NRG3: variants seen among roughly 807,000 people sequenced by gnomAD.
NRG3 encodes the protein pro-neuregulin-3, membrane-bound isoform.
Under a neutral mutation model 66.9 loss-of-function variants are expected in NRG3, and 31 were observed. The ratio of observed to expected loss-of-function variants is 0.46; its 90% CI spans 0.35 to 0.63. The LOEUF (loss-of-function observed/expected upper bound fraction) is 0.63, where lower values mean the gene tolerates loss of function less well. NRG3 is among the 20% of genes least tolerant of loss of function. The pLI is 0.00. For missense variants in NRG3, 910 were observed against 878.9 expected (o/e 1.04, Z -0.45); for synonymous variants, 393 against 359.4 (o/e 1.09, Z -1.06).
chr10:82,863,695 G>T (rs2064263935), intron 3 of NRG3, among the ~76,000 whole-genome samples: 1 of 152,066 alleles, frequency 6.6e-6, no homozygotes, highest in African/African-American at 2.4e-5. Flanking sequence ...CCCACTCTTT[G>T]ATGGGGTTGT....
At chr10:82,274,859 A>T (rs568842134) in intron 1 of NRG3, among the ~76,000 whole-genome samples, 1 of 151,920 alleles carries the variant, frequency 6.6e-6, no homozygotes, top group South Asian at 2.1e-4. Flanking sequence ...ACTTGATCAG[A>T]CAAGACAGAA....
chr10:82,666,955 A>T (rs2134005215), intron 2 of NRG3, among the ~76,000 whole-genome samples: 1 of 152,316 alleles, frequency 6.6e-6, no homozygotes, highest in East Asian at 1.9e-4. Context: ...TCGTCTAGAA[A>T]CTTTAATGCA....
intron 1 of NRG3, among the ~76,000 whole-genome samples, chr10:82,027,221 T>A (rs2062353948): frequency 6.6e-6 from 1 of 152,088 alleles, no homozygotes; most frequent in African/African-American, 2.4e-5. Context: ...TACATAGGAA[T>A]ATGCTTTAGA....
chr10:82,167,253 A>C (rs2072156123), intron 1 of NRG3, among the ~76,000 whole-genome samples: 2 of 152,126 alleles, frequency 1.3e-5, no homozygotes, highest in South Asian at 4.1e-4. Context: ...TATTCATAAA[A>C]TTTTTAGTTT....
rs766914179 is a variant in NRG3 at position 81,938,647 on chromosome 10, A to ATGTGTGTGTGTGTGTG, written c.823+62486_823+62487insTGTGTGTGTGTGTGTG. Among the ~76,000 whole-genome samples, 12 of 113,166 alleles carry ATGTGTGTGTGTGTGTG rather than the reference A, an allele frequency of 1.1e-4. No individual in the cohort carries two copies. In the South Asian group the frequency reaches 1.3e-3, roughly 12 times the overall value. 74.2% of individuals were successfully genotyped at this position (113,166 alleles called of 152,430 possible). On this transcript the variant is annotated intron_variant, in intron 1 of 8. Transcript: ENST00000372141. ...TGTGTGTGTGTGTGTGTGTGCATGC[A>ATGTGTGTGTGTGTGTG]TGCATGCATGCAAAAATTTTAAGGT...
At chr10:82,073,114 A>G (rs1590002793) in intron 1 of NRG3, among the ~76,000 whole-genome samples, 1 of 96,574 alleles carries the variant, frequency 1.0e-5, no homozygotes, top group African/African-American at 3.5e-5. Context: ...GGAAGAAGTG[A>G]AAAAAAAAAA....
chr10:82,626,985 ATATTTAGC>A (rs2049471044), intron 2 of NRG3, among the ~76,000 whole-genome samples: 1 of 149,594 alleles, frequency 6.7e-6, no homozygotes, highest in African/African-American at 2.5e-5. Flanking sequence ...AGGAGATCAT[ATATTTAGC>A]TATTTAGCTA....
intron 2 of NRG3, among the ~76,000 whole-genome samples, chr10:82,606,657 G>A (rs2047984316): frequency 6.6e-6 from 1 of 152,156 alleles, no homozygotes; most frequent in Admixed American, 6.6e-5. Context: ...TGGACAGGGT[G>A]TGCTGGTACA....
intron 2 of NRG3, among the ~76,000 whole-genome samples, chr10:82,699,098 T>G (rs1184134144): frequency 6.6e-6 from 1 of 152,146 alleles, no homozygotes; most frequent in African/African-American, 2.4e-5. Context: ...CTGAAGCACA[T>G]GGGCATTAGG....
chr10:82,881,458 G>A (rs1842291635), intron 4 of NRG3, among the ~76,000 whole-genome samples: 1 of 152,190 alleles, frequency 6.6e-6, no homozygotes, highest in African/African-American at 2.4e-5. Flanking sequence ...AAACATGCTT[G>A]TATGAGAATA....
chr10:82,115,107 G>A (rs2132288239), intron 1 of NRG3, among the ~76,000 whole-genome samples: 1 of 152,114 alleles, frequency 6.6e-6, no homozygotes, highest in Admixed American at 6.6e-5. Flanking sequence ...GCCTACATGA[G>A]GCAGTGGAGA....
intron 1 of NRG3, among the ~76,000 whole-genome samples, chr10:82,043,793 G>A (rs1320192395): frequency 6.6e-6 from 1 of 151,900 alleles, no homozygotes; most frequent in Non-Finnish European, 1.5e-5. Flanking sequence ...CACAAAATTG[G>A]TTTTGACATA....
At chr10:81,877,040 T>C (rs961303608) in intron 1 of NRG3, among the ~76,000 whole-genome samples, 4 of 152,186 alleles carry the variant, frequency 2.6e-5, no homozygotes, top group African/African-American at 9.7e-5. Flanking sequence ...TTGAGAGTTT[T>C]CTGCACTCAA....
chr10:82,576,492 C>A (rs2046043235), intron 2 of NRG3, among the ~76,000 whole-genome samples: 1 of 151,566 alleles, frequency 6.6e-6, no homozygotes, highest in African/African-American at 2.4e-5. Context: ...TAGTTTCTGC[C>A]CAGTGAAAGT....
At position 82,245,978 on chromosome 10, in the gene NRG3, G is replaced by GTTT. The variant is rs372596396; in HGVS notation, c.824-112740_824-112738dup. 2.0e-3 allele frequency among the ~76,000 whole-genome samples: 202 copies of GTTT among 103,232 alleles called. 2 individuals are homozygous for GTTT. Among genetic ancestry groups the GTTT allele is most frequent in the East Asian group, 0.012 (38 of 3,186 alleles). 67.7% of individuals were successfully genotyped at this position (103,232 alleles called of 152,430 possible). Reference sequence around the variant, plus strand: ...AGCCTGATTTTTTCCCAGTCTTCTGGTTTTTTTTTTTTTTTTTTTTTTTAA... The same window carrying GTTT: ...AGCCTGATTTTTTCCCAGTCTTCTGGTTTTTTTTTTTTTTTTTTTTTTTTTTAA... On this transcript the variant is annotated intron_variant, in intron 1 of 8. Transcript: ENST00000372141.
chr10:81,944,803 G>A (rs375236447), intron 1 of NRG3, among the ~76,000 whole-genome samples: 14 of 152,238 alleles, frequency 9.2e-5, no homozygotes, highest in Admixed American at 5.2e-4. Flanking sequence ...ATCCCTTCCA[G>A]TAAAGCACCC....
intron 5 of NRG3, among the ~76,000 whole-genome samples, chr10:82,954,233 A>C (rs958569999): frequency 6.6e-6 from 1 of 151,992 alleles, no homozygotes; most frequent in Non-Finnish European, 1.5e-5. Flanking sequence ...GAAGCAGTTA[A>C]TCACTTATTT....
At chr10:82,418,349 G>A (rs1293634025) in intron 2 of NRG3, among the ~76,000 whole-genome samples, 1 of 148,626 alleles carries the variant, frequency 6.7e-6, no homozygotes, top group Non-Finnish European at 1.5e-5. Flanking sequence ...TGGAAAAGTT[G>A]ATGTTATGTT....
chr10:82,702,337 A>G (rs1259245336), intron 2 of NRG3, among the ~76,000 whole-genome samples: 1 of 152,202 alleles, frequency 6.6e-6, no homozygotes, highest in African/African-American at 2.4e-5. Flanking sequence ...TTGTTTATAA[A>G]TTTTACCTCT....
Sources: allele counts gnomAD v4.1 joint callset (sites outside exome capture counted in the v4.1 genomes callset), GRCh38; gene constraint gnomAD v4.1.1; transcripts MANE v1.5; gene names NCBI Gene and HGNC (gene_info 2026-07-23, HGNC 2026-07-21).